Variants in ZBTB45 observed in about 807,000 individuals in gnomAD.
ZBTB45 encodes zinc finger and BTB domain-containing protein 45.
ZBTB45 carries 22 observed loss-of-function variants against 28.4 expected under a neutral mutation model. That is an observed-to-expected ratio of 0.77 (90% confidence interval 0.55 to 1.10). The LOEUF (loss-of-function observed/expected upper bound fraction) is 1.10, where lower values mean the gene tolerates loss of function less well. ZBTB45 is among the 50% of genes least tolerant of loss of function. The pLI is 0.00. For synonymous variants in ZBTB45, 361 were observed against 332.3 expected (o/e 1.09, Z -0.94); for missense variants, 656 against 750.2 (o/e 0.87, Z 1.47).
rs1303188290 is a variant in ZBTB45, at chr19:58,514,288, G to C, written c.1302C>G (p.Ala434=). ...GTAGAGAGAAGGATCGCCAGCACAC[G>C]GCGCACTGGTGCGGCTTCTCCCCTG... ...IHSGEKPHQC[A]VCWRSFSLRD... is the part of the protein sequence containing the mutation. Residue 434 remains alanine (A), a synonymous_variant, in exon 3 of 3, where the codon GCC becomes GCG. Transcript: ENST00000594051. The C allele has an allele frequency of 6.2e-7, 1 of 1,605,890 alleles. No homozygotes were observed. The highest frequency in any genetic ancestry group is 1.1e-5 in the South Asian group (1 of 90,910).
chr19:58,516,823 G>A lies in ZBTB45; in HGVS notation c.851C>T (p.Pro284Leu). 10 of 1,613,754 alleles carry A rather than the reference G, an allele frequency of 6.2e-6. No individual in the cohort carries two copies. Among genetic ancestry groups the A allele is most frequent in the Non-Finnish European group, 8.5e-6 (10 of 1,180,010 alleles). ...RGAGSAEDVF[P>L]DSYVSTWHDE... ...GTGCCAAGTGGATACATAGCTGTCT[G>A]GAAATACGTCCTCAGCTGACCCAGC... Residue 284 changes from proline to leucine, a missense_variant, in exon 2 of 3, where the codon CCA becomes CTA. Physicochemically the swap from Pro to Leu is moderately conservative, Grantham distance 98. Coordinates refer to ENST00000594051, the MANE Select transcript of ZBTB45 (RefSeq NM_001316979.2). The surrounding 1 kb of genome is among the most constrained non-coding windows in gnomAD (Gnocchi z 6.2).
chr19:58,520,923 G>A (rs1219133355), upstream of ZBTB45, among the ~76,000 whole-genome samples: 2 of 151,326 alleles, frequency 1.3e-5, no homozygotes, highest in Admixed American at 1.3e-4. Flanking sequence ...GTGGTGGCAG[G>A]CGCCTGTAGT....
chr19:58,526,510 G>GTTATTATTATTATTA lies in ZBTB45; in HGVS notation c.1-8852_1-8838dup, dbSNP rs778782600. 1.3e-4 allele frequency among the ~76,000 whole-genome samples: 9 copies of GTTATTATTATTATTA among 70,120 alleles called. 2 individuals carry two copies. Among genetic ancestry groups the GTTATTATTATTATTA allele is most frequent in the Non-Finnish European group, 1.8e-4 (6 of 33,574 alleles). The allele number at this position is 70,120 out of a possible 152,430, so 46.0% of individuals were successfully genotyped here. ...CAGGCGTGAGCCACCACGCCTGGCT[G>GTTATTATTATTATTA]TTATTATTATTATTATTTTTTTTTT... On this transcript the variant is annotated intron_variant, in intron 1 of 1. Coordinates refer to the ZBTB45 transcript ENST00000600130.
At chr19:58,524,415 GTGTGTGTGTGTGTTCATATA>G (rs2053595665), upstream of ZBTB45, among the ~76,000 whole-genome samples, 2 of 142,850 alleles carry the variant, frequency 1.4e-5, no homozygotes, top group South Asian at 2.2e-4. Context: ...ATGTGTGTGT[GTGTGTGTGTGTGTTCATATA>G]TGTGTGTGTG....
upstream of ZBTB45, among the ~76,000 whole-genome samples, chr19:58,521,717 G>A (rs1422645817): frequency 6.6e-6 from 1 of 152,212 alleles, no homozygotes; most frequent in Non-Finnish European, 1.5e-5. Context: ...TTTCCCATCT[G>A]ATGAACGCAT....
At chr19:58,526,525 A>ATTT (rs71293931) in intron 1 of ZBTB45, among the ~76,000 whole-genome samples, 1 of 131,014 alleles carries the variant, frequency 7.6e-6, no homozygotes, top group African/African-American at 2.9e-5. Context: ...TATTATTATT[A>ATTT]TTTTTTTTTT....
chr19:58,520,613 C>T (rs143928890), upstream of ZBTB45, among the ~76,000 whole-genome samples: 1 of 152,054 alleles, frequency 6.6e-6, no homozygotes, highest in African/African-American at 2.4e-5. Flanking sequence ...TCATAAGGGT[C>T]CTTAAAGGCA....
chr19:58,522,451 T>C (rs2053583893), upstream of ZBTB45, among the ~76,000 whole-genome samples: 1 of 151,924 alleles, frequency 6.6e-6, no homozygotes, highest in Non-Finnish European at 1.5e-5. Flanking sequence ...CATGAGCCAC[T>C]GTGCCCGGCC....
intron 1 of ZBTB45, among the ~76,000 whole-genome samples, chr19:58,529,546 C>G (rs2053625597): frequency 6.6e-6 from 1 of 152,190 alleles, no homozygotes; most frequent in African/African-American, 2.4e-5. Context: ...AAACTTTTCT[C>G]CCCTCTCCTC....
chr19:58,526,825 C>A (rs2053610474), intron 1 of ZBTB45, among the ~76,000 whole-genome samples: 1 of 151,754 alleles, frequency 6.6e-6, no homozygotes, highest in African/African-American at 2.4e-5. Context: ...GCCACCGCGC[C>A]CGGCCTATTA....
rs1261079910 is a variant in ZBTB45, at chr19:58,514,110, C to A, written c.1480G>T (p.Val494Phe). Residue 494 changes from valine to phenylalanine, a missense_variant, in exon 3 of 3, where the codon GTC becomes TTC. By Grantham distance (50) the Val-to-Phe change is conservative. Around this residue, in one of 3 missense-constraint regions of ZBTB45, gnomAD observed 103 missense variants for 153.5 expected, o/e 0.67. Coordinates refer to ENST00000594051, the MANE Select transcript of ZBTB45 (RefSeq NM_001316979.2). ...TCCAGCAGCGCGCGGTGCGAGAAGACCTTGCCGCAGGCGGGGCAGGGCGCG... is the reference window on the plus strand; with the variant it reads ...TCCAGCAGCGCGCGGTGCGAGAAGAACTTGCCGCAGGCGGGGCAGGGCGCG... ...ERAPCPACGKVFSHRALLERH... is the reference protein window; with the variant it reads ...ERAPCPACGKFFSHRALLERH... The A allele has an allele frequency of 6.2e-7, 1 of 1,600,958 alleles. No homozygotes were observed. Among genetic ancestry groups the A allele is most frequent in the Non-Finnish European group, 8.5e-7 (1 of 1,174,550 alleles).
chr19:58,534,847 T>C (rs1317420289), intron 1 of ZBTB45, among the ~76,000 whole-genome samples: 2 of 149,612 alleles, frequency 1.3e-5, no homozygotes, highest in Admixed American at 1.3e-4. Flanking sequence ...TGAGCCACCG[T>C]GCCCGACCTA....
At chr19:58,531,421 G>A (rs1238495422) in intron 1 of ZBTB45, among the ~76,000 whole-genome samples, 4 of 152,094 alleles carry the variant, frequency 2.6e-5, no homozygotes, top group Non-Finnish European at 4.4e-5. Context: ...GTACACTTAC[G>A]GGTTCCCCCT....
In ZBTB45 at chr19:58,530,552, C is replaced by T. The variant is rs561007996; in HGVS notation, c.-1+8149G>A. On this transcript the variant is annotated intron_variant, in intron 1 of 1. Transcript: ENST00000600130. Reference sequence around the variant, plus strand: ...AACTCCCGACCTCAGGTGATCTGCCCGCCTCGGCCTCCCAAAGTGTGGGGA... The same window carrying T: ...AACTCCCGACCTCAGGTGATCTGCCTGCCTCGGCCTCCCAAAGTGTGGGGA... 2.0e-4 allele frequency among the ~76,000 whole-genome samples: 30 copies of T among 152,114 alleles called. No individual in the cohort carries two copies. The South Asian group carries it at 2.7e-3, about 14-fold the overall frequency.
chr19:58,522,221 G>A (rs977161814), upstream of ZBTB45, among the ~76,000 whole-genome samples: 2 of 151,540 alleles, frequency 1.3e-5, no homozygotes, highest in Non-Finnish European at 2.9e-5. Context: ...GAGCGCAATG[G>A]CGCGATCTTG....
chr19:58,527,434 CCT>C (rs1243345483), intron 1 of ZBTB45, among the ~76,000 whole-genome samples: 1 of 152,202 alleles, frequency 6.6e-6, no homozygotes, highest in Admixed American at 6.5e-5. Flanking sequence ...CGTCCCCACC[CCT>C]GTCCCCATGA....
chr19:58,519,411 C>A (rs1296780045), intron 1 of ZBTB45: 1 of 152,480 alleles, frequency 6.6e-6, no homozygotes, highest in Non-Finnish European at 1.5e-5. Flanking sequence ...CTGGACACTT[C>A]AGAACAAAGG....
intron 1 of ZBTB45, among the ~76,000 whole-genome samples, chr19:58,537,239 A>G (rs192378317): frequency 6.6e-6 from 1 of 152,180 alleles, no homozygotes; most frequent in East Asian, 1.9e-4. Flanking sequence ...CCATGTGGAC[A>G]ATGGGGCCCC....
chr19:58,533,332 T>G (rs2053643932), intron 1 of ZBTB45, among the ~76,000 whole-genome samples: 1 of 152,114 alleles, frequency 6.6e-6, no homozygotes, highest in Non-Finnish European at 1.5e-5. Flanking sequence ...TTTCCAAATA[T>G]CATCACAATG....
Sources: gnomAD v4.1 joint callset for allele counts (sites outside exome capture counted in the v4.1 genomes callset) on GRCh38, gnomAD v4.1.1 for gene constraint, gnomAD v4.1.1 regional missense constraint, Gnocchi (gnomAD v3.1) non-coding constraint, MANE v1.5 for transcripts, NCBI Gene and HGNC (gene_info 2026-07-23, HGNC 2026-07-21) for gene names.